The following PTPRD variants were observed in gnomAD, a reference collection of about 807,000 sequenced individuals.
The protein encoded by PTPRD is protein tyrosine phosphatase receptor type D.
In PTPRD, 34 loss-of-function variants were observed where a neutral mutation model predicts 214.5. The ratio of observed to expected loss-of-function variants is 0.16; its 90% CI spans 0.12 to 0.21. PTPRD has a LOEUF of 0.21. Ranked by LOEUF, PTPRD falls within the 10% of genes least tolerant of loss-of-function variation. The pLI is 1.00. For synonymous variants in PTPRD, 1,128 were observed against 845.7 expected, an observed-to-expected ratio of 1.33 and a Z score of -5.79; for missense variants, 2,545 against 2,398.7, an observed-to-expected ratio of 1.06 and a Z score of -1.27.
intron 3 of PTPRD, among the ~76,000 whole-genome samples, chr9:10,317,241 C>T (rs149544517): frequency 1.8e-4 from 27 of 151,960 alleles, no homozygotes; most frequent in African/African-American, 6.0e-4. Context: ...GCCTGTATTA[C>T]CTATCTAATT....
At chr9:8,729,734 C>T (rs2098634243) in intron 12 of PTPRD, among the ~76,000 whole-genome samples, 1 of 152,156 alleles carries the variant, frequency 6.6e-6, no homozygotes, top group Non-Finnish European at 1.5e-5. Flanking sequence ...CATGATTTAC[C>T]AAATCACAGC....
At chr9:8,745,603 T>C (rs771290928) in intron 11 of PTPRD, among the ~76,000 whole-genome samples, 4 of 152,212 alleles carry the variant, frequency 2.6e-5, no homozygotes, top group Non-Finnish European at 5.9e-5. Context: ...CCTGTTATTA[T>C]GTACCTGTGT....
chr9:8,925,837 T>G (rs12343681), intron 11 of PTPRD, among the ~76,000 whole-genome samples: 1 of 149,122 alleles, frequency 6.7e-6, no homozygotes, highest in African/African-American at 2.5e-5. Flanking sequence ...CTCCTCAATT[T>G]GTCAGCTGGA....
chr9:8,835,053 A>C (rs1332800654), intron 11 of PTPRD, among the ~76,000 whole-genome samples: 2 of 152,236 alleles, frequency 1.3e-5, no homozygotes, highest in African/African-American at 4.8e-5. Context: ...CAAGGACCCC[A>C]GGTTAAAGTC....
intron 12 of PTPRD, among the ~76,000 whole-genome samples, chr9:8,720,640 T>C (rs570532879): frequency 4.6e-5 from 7 of 152,292 alleles, no homozygotes; most frequent in South Asian, 2.1e-4. Flanking sequence ...AATCATTTTA[T>C]AGTGAAACAC....
At chr9:9,676,828 T>G (rs2096941035) in intron 7 of PTPRD, among the ~76,000 whole-genome samples, 1 of 152,190 alleles carries the variant, frequency 6.6e-6, no homozygotes, top group Non-Finnish European at 1.5e-5. Flanking sequence ...TTAACTGGTG[T>G]GAGATGGTAT....
chr9:10,321,761 G>C (rs2096557071), intron 3 of PTPRD, among the ~76,000 whole-genome samples: 1 of 151,982 alleles, frequency 6.6e-6, no homozygotes, highest in East Asian at 1.9e-4. Context: ...TTAATATATA[G>C]AATTAAGAAA....
At chr9:10,328,141 C>T (rs544321817) in intron 3 of PTPRD, among the ~76,000 whole-genome samples, 128 of 151,766 alleles carry the variant, frequency 8.4e-4, no homozygotes, top group African/African-American at 2.9e-3. Flanking sequence ...ATTTAGAAAT[C>T]CTAAGGAAGG....
intron 11 of PTPRD, among the ~76,000 whole-genome samples, chr9:8,768,465 A>T (rs1253534484): frequency 6.6e-6 from 1 of 152,132 alleles, no homozygotes; most frequent in Non-Finnish European, 1.5e-5. Context: ...GAGGTGGAAG[A>T]ATCTCTTGAG....
intron 7 of PTPRD, among the ~76,000 whole-genome samples, chr9:9,727,569 G>T (rs557526507): frequency 1.3e-4 from 20 of 152,284 alleles, no homozygotes; most frequent in African/African-American, 4.6e-4. Flanking sequence ...ACTCTTCCAT[G>T]TAGTCCAATT....
At chr9:9,998,559 CA>C (rs71321213) in intron 4 of PTPRD, among the ~76,000 whole-genome samples, 125,644 of 149,262 alleles carry the variant, frequency 0.84, 53,211 homozygotes, top group Middle Eastern at 0.9. Flanking sequence ...CTCTACTAGT[CA>C]AAAAAAAAAA....
chr9:8,391,382 A>G (rs1028326913), intron 36 of PTPRD, among the ~76,000 whole-genome samples: 1 of 152,170 alleles, frequency 6.6e-6, no homozygotes, highest in Non-Finnish European at 1.5e-5. Context: ...GTTGGCTGTA[A>G]CATTATTCAT....
chr9:10,299,313 T>C (rs2095791157), intron 3 of PTPRD, among the ~76,000 whole-genome samples: 2 of 152,166 alleles, frequency 1.3e-5, no homozygotes, highest in African/African-American at 2.4e-5. Flanking sequence ...GTTATAATTG[T>C]CAGAAATCTG....
At position 9,106,612 on chromosome 9, in the gene PTPRD, C is replaced by CAAAAAAAAAAAAAAAA. The variant is rs5896301; in HGVS notation, c.-143+76676_-143+76691dup. On this transcript the variant is annotated intron_variant, in intron 10 of 45. Coordinates refer to ENST00000381196, the MANE Select transcript of PTPRD (RefSeq NM_002839.4). ...TTGCTGTTAACCTATATTCCATAGG[C>CAAAAAAAAAAAAAAAA]AAAAAAAAAAAAAAAAAAAAAAAGG... Among the ~76,000 whole-genome samples, 7 of 71,632 alleles carry CAAAAAAAAAAAAAAAA rather than the reference C, an allele frequency of 9.8e-5. 2 individuals carry two copies. Among genetic ancestry groups the CAAAAAAAAAAAAAAAA allele is most frequent in the Non-Finnish European group, 1.2e-4 (5 of 40,182 alleles). The allele number at this position is 71,632 out of a possible 152,430, so 47.0% of individuals were successfully genotyped here.
intron 2 of PTPRD, among the ~76,000 whole-genome samples, chr9:10,564,184 T>TTTTTTTTTTTTTTTG (rs2064941638): frequency 8.5e-6 from 1 of 117,574 alleles, no homozygotes; most frequent in Non-Finnish European, 1.8e-5. Context: ...TTTTTTTTTT[T>TTTTTTTTTTTTTTTG]TTTTTTTTTT....
chr9:9,707,765 T>G (rs1317080098), intron 7 of PTPRD, among the ~76,000 whole-genome samples: 1 of 152,122 alleles, frequency 6.6e-6, no homozygotes, highest in East Asian at 1.9e-4. Context: ...ATGATAGAGT[T>G]AGCAGTGCCA....
intron 7 of PTPRD, among the ~76,000 whole-genome samples, chr9:9,622,151 G>T (rs1290523624): frequency 6.6e-6 from 1 of 152,132 alleles, no homozygotes; most frequent in Non-Finnish European, 1.5e-5. Context: ...GCAATAAAAA[G>T]GCACTAATGT....
chr9:8,862,681 G>A (rs923463079), intron 11 of PTPRD, among the ~76,000 whole-genome samples: 8 of 152,156 alleles, frequency 5.3e-5, no homozygotes, highest in South Asian at 4.2e-4. Context: ...CTTTTTCCAC[G>A]TGAAAAAAAT....
chr9:10,261,852 A>C (rs2093720190), intron 3 of PTPRD, among the ~76,000 whole-genome samples: 1 of 152,164 alleles, frequency 6.6e-6, no homozygotes, highest in Non-Finnish European at 1.5e-5. Flanking sequence ...AGTAGATGGG[A>C]AGCCTTAAGG....
Sources: allele counts gnomAD v4.1 joint callset (sites outside exome capture counted in the v4.1 genomes callset), GRCh38; gene constraint gnomAD v4.1.1; transcripts MANE v1.5; gene names NCBI Gene and HGNC (gene_info 2026-07-23, HGNC 2026-07-21).